SLC39A12: variants seen among roughly 807,000 people sequenced by gnomAD.
SLC39A12 encodes the protein zinc transporter ZIP12.
In SLC39A12, 63 loss-of-function variants were observed where a neutral mutation model predicts 71.1. The ratio of observed to expected loss-of-function variants is 0.89; its 90% CI spans 0.72 to 1.09. SLC39A12 has a LOEUF of 1.09. SLC39A12 is among the 50% of genes least tolerant of loss of function. SLC39A12 has a pLI of 0.00. For synonymous variants in SLC39A12, 351 were observed against 301.3 expected (o/e 1.16, Z -1.71); for missense variants, 892 against 812.6 (o/e 1.10, Z -1.19).
intron 4 of SLC39A12, among the ~76,000 whole-genome samples, chr10:17,967,341 T>G (rs556143379): frequency 1.3e-5 from 2 of 152,324 alleles, no homozygotes; most frequent in African/African-American, 4.8e-5. Flanking sequence ...TTTCAGAAGT[T>G]AAAAGCTATT....
intron 9 of SLC39A12, among the ~76,000 whole-genome samples, chr10:17,994,525 A>G: frequency 6.6e-6 from 1 of 152,272 alleles, no homozygotes; most frequent in South Asian, 2.1e-4. Flanking sequence ...AAAACAAGAC[A>G]AAACATTCTA....
intron 6 of SLC39A12, among the ~76,000 whole-genome samples, 189 bp downstream of exon 6, chr10:17,981,672 C>G (rs1395366530): frequency 6.6e-6 from 1 of 152,162 alleles, no homozygotes; most frequent in Non-Finnish European, 1.5e-5. Context: ...GAAACTGAGG[C>G]ACAGAGAGAT....
At chr10:17,971,090 T>C (rs928328831) in intron 4 of SLC39A12, among the ~76,000 whole-genome samples, 4 of 152,150 alleles carry the variant, frequency 2.6e-5, no homozygotes, top group African/African-American at 9.7e-5. Context: ...TTGGTTGATG[T>C]GATGTATTAC....
chr10:18,004,220 G>A (rs1356259102), intron 12 of SLC39A12: 2 of 152,156 alleles, frequency 1.3e-5, no homozygotes, highest in Non-Finnish European at 2.9e-5. Context: ...CTTCTCATGG[G>A]TTGGAATATG....
At chr10:18,015,938 G>T (rs552214898) in intron 12 of SLC39A12, among the ~76,000 whole-genome samples, 1 of 152,134 alleles carries the variant, frequency 6.6e-6, no homozygotes. Flanking sequence ...AGAAGGTACA[G>T]AGTTCCCATA....
At chr10:17,977,781 A>T in intron 4 of SLC39A12, 121 bp from the exon 5 acceptor site, 1 of 741,182 alleles carries the variant, frequency 1.3e-6, no homozygotes, top group Non-Finnish European at 2.0e-6. Flanking sequence ...TGTCATCTCT[A>T]GGGCTTAAAA....
At chr10:17,990,404 C>T (rs1420516645) in intron 7 of SLC39A12, among the ~76,000 whole-genome samples, 2 of 151,932 alleles carry the variant, frequency 1.3e-5, no homozygotes, top group Admixed American at 6.6e-5. Flanking sequence ...ATTTCTTTTT[C>T]CTTTTTAAAA....
chr10:17,960,019 AG>A (rs1834647161), intron 2 of SLC39A12, among the ~76,000 whole-genome samples: 2 of 152,230 alleles, frequency 1.3e-5, no homozygotes, highest in African/African-American at 4.8e-5. Flanking sequence ...AAAACTCCAA[AG>A]AAGTGGTTAG....
chr10:18,036,763 TATATATATATATATATA>T (rs1837041554), intron 12 of SLC39A12, among the ~76,000 whole-genome samples: 1 of 8,704 alleles, frequency 1.1e-4, no homozygotes, highest in African/African-American at 4.2e-4. Flanking sequence ...TATATATATA[TATATATATATATATATA>T]TATATATATA....
intron 5 of SLC39A12, among the ~76,000 whole-genome samples, chr10:17,981,103 A>G (rs1217283460): frequency 6.6e-6 from 1 of 152,194 alleles, no homozygotes; most frequent in Non-Finnish European, 1.5e-5. Flanking sequence ...CAGAATGAAA[A>G]TGAGGTATTG....
intron 4 of SLC39A12, among the ~76,000 whole-genome samples, chr10:17,973,580 T>C (rs1483544448): frequency 6.6e-6 from 1 of 152,188 alleles, no homozygotes; most frequent in Non-Finnish European, 1.5e-5. Context: ...GCCTGTAAGT[T>C]TTCCACTGAA....
intron 12 of SLC39A12, among the ~76,000 whole-genome samples, chr10:18,039,065 T>C (rs1457058297): frequency 6.6e-6 from 1 of 152,212 alleles, no homozygotes; most frequent in Non-Finnish European, 1.5e-5. Flanking sequence ...ACTTTATAAG[T>C]CTTTGCAAAC....
intron 12 of SLC39A12, among the ~76,000 whole-genome samples, chr10:18,042,068 G>A (rs1427828253): frequency 1.3e-5 from 2 of 151,784 alleles, no homozygotes; most frequent in African/African-American, 4.8e-5. Flanking sequence ...AGTTCTATAA[G>A]CCTAATAGAA....
At position 17,987,555 on chromosome 10, in the gene SLC39A12, T is replaced by C; in HGVS notation, c.1173T>C (p.His391=). ...TGGGGACAGCGCTGGTCCTTTTCCA[T>C]AGCTGTGAGGAGAACTACAGGCTTA... is the stretch of plus-strand genomic sequence containing the variant. The part of the protein sequence containing the change: ...SMLGTALVLF[H]SCEENYRLIL... Residue 391 remains histidine (H), a synonymous_variant, in exon 7 of 13, where the codon CAT becomes CAC. Coordinates refer to ENST00000377369, the MANE Select transcript of SLC39A12 (RefSeq NM_001145195.2). The C allele has an allele frequency of 6.2e-7, 1 of 1,614,120 alleles. No homozygotes were observed. The highest frequency in any genetic ancestry group is 8.5e-7 in the Non-Finnish European group (1 of 1,180,006).
chr10:17,965,875 C>T (rs535894921), intron 4 of SLC39A12, among the ~76,000 whole-genome samples, 185 bp downstream of exon 4: 1 of 152,154 alleles, frequency 6.6e-6, no homozygotes, highest in Non-Finnish European at 1.5e-5. Flanking sequence ...GAAAGCTATG[C>T]GGTGATGAGG....
chr10:18,042,623 A>G, intron 12 of SLC39A12, 82 bp from the exon 13 acceptor site: 1 of 1,392,284 alleles, frequency 7.2e-7, no homozygotes, highest in East Asian at 2.4e-5. Flanking sequence ...TCTGAATAAC[A>G]GTCGCTCATG....
intron 12 of SLC39A12, among the ~76,000 whole-genome samples, chr10:18,003,591 G>C (rs879396822): frequency 1.3e-5 from 2 of 152,206 alleles, no homozygotes; most frequent in Non-Finnish European, 2.9e-5. Context: ...ACAGGTGTGT[G>C]ATAGCAGTTG....
intron 8 of SLC39A12, among the ~76,000 whole-genome samples, chr10:17,991,860 A>G (rs967877972): frequency 6.6e-6 from 1 of 152,110 alleles, no homozygotes. Context: ...AGGCCGAGGC[A>G]GGCGGATCAC....
chr10:18,001,241 G>T (rs1308220921), intron 11 of SLC39A12, among the ~76,000 whole-genome samples: 3 of 152,202 alleles, frequency 2.0e-5, no homozygotes. Context: ...CCGGCCGGGC[G>T]CAGTGGCTCA....
Sources: allele counts gnomAD v4.1 joint callset (sites outside exome capture counted in the v4.1 genomes callset), GRCh38; gene constraint gnomAD v4.1.1; transcripts MANE v1.5; gene names NCBI Gene and HGNC (gene_info 2026-07-23, HGNC 2026-07-21).